The following SBF2 variants were observed in gnomAD, a reference collection of about 807,000 sequenced individuals.
SBF2 encodes SET binding factor 2, also known as myotubularin-related protein 13.
A neutral mutation model predicts 225.2 loss-of-function variants in SBF2; 112 were observed. The observed-to-expected ratio is 0.50, with a 90% CI of 0.43 to 0.58. The LOEUF (loss-of-function observed/expected upper bound fraction) is 0.58, where lower values mean the gene tolerates loss of function less well. Ranked by LOEUF, SBF2 falls within the 20% of genes least tolerant of loss-of-function variation. The probability of loss-of-function intolerance (pLI) is 0.00; values close to 1 mark genes in which losing one functional copy is unlikely to be tolerated. For synonymous variants in SBF2, 763 were observed against 773.3 expected (o/e 0.99, Z 0.22); for missense variants, 1,996 against 2,206.2 (o/e 0.90, Z 1.91).
chr11:10,014,528 A>C lies in SBF2; in HGVS notation c.620-11839T>G, dbSNP rs907655287. Among the ~76,000 whole-genome samples, 7 of 138,284 alleles carry C rather than the reference A, an allele frequency of 5.1e-5. No homozygotes were observed. In the South Asian group the frequency reaches 1.1e-3, roughly 22 times the overall value. The allele number at this position is 138,284 out of a possible 152,430, so 90.7% of individuals were successfully genotyped here. On this transcript the variant is annotated intron_variant, in intron 6 of 39. Transcript: ENST00000256190. ...ACTAAAAAAAAAAAAAAAAAAAAAAACGAAAATGGAGTTCACTATTTGTTT... is the reference window on the plus strand; with the variant it reads ...ACTAAAAAAAAAAAAAAAAAAAAAACCGAAAATGGAGTTCACTATTTGTTT...
intron 2 of SBF2, among the ~76,000 whole-genome samples, chr11:10,129,334 C>T (rs1011764410): frequency 2.5e-5 from 3 of 120,870 alleles, no homozygotes; most frequent in Non-Finnish European, 3.7e-5. Flanking sequence ...GAACTCCTGA[C>T]CTCAAGTGAT....
At position 9,780,284 on chromosome 11, in the gene SBF2, A is replaced by G; in HGVS notation, c.*134T>C. The G allele has an allele frequency of 1.3e-6, 1 of 768,118 alleles. No individual in the cohort carries two copies. The highest frequency in any genetic ancestry group is 2.2e-6 in the Non-Finnish European group (1 of 446,430). The allele number at this position is 768,118 out of a possible 1,614,324, so 47.6% of individuals were successfully genotyped here. ...GTTAAGTAGATATAGCAACCCCTGC[A>G]AGAGGGGACTGGGCAGGAGAACCTC... On this transcript the variant is annotated 3_prime_UTR_variant, in exon 40 of 40. Transcript: ENST00000256190.
chr11:10,164,733 A>T (rs2135222731), intron 2 of SBF2, among the ~76,000 whole-genome samples: 1 of 152,300 alleles, frequency 6.6e-6, no homozygotes, highest in South Asian at 2.1e-4. Context: ...GCATACAATA[A>T]ATCACAGTGC....
At chr11:10,148,227 G>T (rs989687262) in intron 2 of SBF2, among the ~76,000 whole-genome samples, 2 of 152,076 alleles carry the variant, frequency 1.3e-5, no homozygotes, top group African/African-American at 4.8e-5. Flanking sequence ...CAGGAGTATC[G>T]CAGTAGAGAG....
intron 17 of SBF2, among the ~76,000 whole-genome samples, chr11:9,865,604 T>G (rs1213616493): frequency 6.8e-6 from 1 of 146,780 alleles, no homozygotes; most frequent in Non-Finnish European, 1.5e-5. Context: ...GGCAGAAGAA[T>G]TGCTTGAACC....
chr11:10,017,417 T>G (rs1309529467), intron 6 of SBF2, among the ~76,000 whole-genome samples: 1 of 152,200 alleles, frequency 6.6e-6, no homozygotes, highest in Non-Finnish European at 1.5e-5. Context: ...CAGCTTAATG[T>G]AAGTCATGAA....
chr11:9,845,955 C>T (rs1328268581), intron 23 of SBF2, among the ~76,000 whole-genome samples: 1 of 152,194 alleles, frequency 6.6e-6, no homozygotes, highest in African/African-American at 2.4e-5. Flanking sequence ...AATCATGTAT[C>T]TTCAAGTCAG....
chr11:10,016,410 C>T (rs1948654817), intron 6 of SBF2: 1 of 152,048 alleles, frequency 6.6e-6, no homozygotes, highest in African/African-American at 2.4e-5. Context: ...AAACAATTTA[C>T]CCAAGCCTAA....
intron 27 of SBF2, 94 bp downstream of exon 27, chr11:9,832,130 G>A: frequency 6.4e-6 from 7 of 1,094,954 alleles, no homozygotes; most frequent in Non-Finnish European, 8.2e-6. Context: ...GACAAGACTT[G>A]ATGAAAAGGC....
At chr11:10,030,569 T>C (rs1023934817) in intron 4 of SBF2, among the ~76,000 whole-genome samples, 2 of 152,202 alleles carry the variant, frequency 1.3e-5, no homozygotes, top group Admixed American at 1.3e-4. Flanking sequence ...TTTCCTCTTA[T>C]GTTTGAAAAT....
chr11:10,084,514 C>G (rs749491047), intron 2 of SBF2, among the ~76,000 whole-genome samples: 4 of 152,108 alleles, frequency 2.6e-5, no homozygotes, highest in Admixed American at 6.5e-5. Context: ...CTGTAGAAAA[C>G]AGTATGAAGA....
chr11:9,798,618 C>A (rs1186475715), intron 32 of SBF2, among the ~76,000 whole-genome samples: 1 of 152,170 alleles, frequency 6.6e-6, no homozygotes, highest in Non-Finnish European at 1.5e-5. Context: ...AACCAGTCTA[C>A]AATATGTTCT....
At chr11:10,126,403 T>C (rs1177864814) in intron 2 of SBF2, among the ~76,000 whole-genome samples, 2 of 152,050 alleles carry the variant, frequency 1.3e-5, no homozygotes, top group East Asian at 3.9e-4. Context: ...AAAGGAATGG[T>C]ATTTAGATCT....
chr11:10,013,341 G>A (rs1948526640), intron 6 of SBF2, among the ~76,000 whole-genome samples: 1 of 152,136 alleles, frequency 6.6e-6, no homozygotes, highest in Admixed American at 6.5e-5. Flanking sequence ...TTTCTACCCA[G>A]CCCTACTCTG....
chr11:10,277,594 C>A (rs1963060596), intron 1 of SBF2, among the ~76,000 whole-genome samples: 1 of 152,108 alleles, frequency 6.6e-6, no homozygotes, highest in South Asian at 2.1e-4. Flanking sequence ...CATAATGTGA[C>A]TTTATTTGGA....
chr11:10,283,512 C>T (rs1963549669), intron 1 of SBF2, among the ~76,000 whole-genome samples: 2 of 151,380 alleles, frequency 1.3e-5, no homozygotes, highest in South Asian at 4.2e-4. Context: ...CTCTAACATA[C>T]TTAAACAGAC....
intron 1 of SBF2, among the ~76,000 whole-genome samples, chr11:10,260,466 T>C (rs571859229): frequency 3.7e-4 from 56 of 151,694 alleles, no homozygotes; most frequent in East Asian, 1.4e-3. Flanking sequence ...CCTGTAATCC[T>C]AGCACTTTGG....
chr11:10,155,375 T>C (rs374589499), intron 2 of SBF2, among the ~76,000 whole-genome samples: 67 of 147,068 alleles, frequency 4.6e-4, no homozygotes, highest in South Asian at 1.3e-3. Context: ...CTGTTGACAG[T>C]TATATTAGAA....
At chr11:9,824,244 A>G (rs562079908) in intron 28 of SBF2, among the ~76,000 whole-genome samples, 1 of 152,246 alleles carries the variant, frequency 6.6e-6, no homozygotes, top group South Asian at 2.1e-4. Flanking sequence ...CAGTGTTAAA[A>G]AAGAAGATAG....
Sources: allele counts gnomAD v4.1 joint callset (sites outside exome capture counted in the v4.1 genomes callset), GRCh38; gene constraint gnomAD v4.1.1; transcripts MANE v1.5; gene names NCBI Gene and HGNC (gene_info 2026-07-23, HGNC 2026-07-21).